The following KAZN variants were observed in gnomAD, a reference collection of about 807,000 sequenced individuals.
The protein encoded by KAZN is kazrin.
In KAZN, 40 loss-of-function variants were observed where a neutral mutation model predicts 87.4. The observed-to-expected ratio is 0.46, with a 90% confidence interval of 0.36 to 0.60. KAZN has a LOEUF of 0.60. KAZN is among the 20% of genes least tolerant of loss of function. KAZN has a pLI of 0.00. For missense variants in KAZN, 898 were observed against 1,073.9 expected, an observed-to-expected ratio of 0.84 and a Z score of 2.29; for synonymous variants, 466 against 458.3, an observed-to-expected ratio of 1.02 and a Z score of -0.22.
intron 2 of KAZN, among the ~76,000 whole-genome samples, chr1:14,260,117 T>C (rs897275327): frequency 2.0e-5 from 3 of 152,200 alleles, no homozygotes; most frequent in Admixed American, 2.0e-4. Flanking sequence ...CCCCTTTCAT[T>C]GTTTCCCCTA....
At chr1:14,621,986 G>T (rs1053469463) in intron 1 of KAZN, among the ~76,000 whole-genome samples, 7 of 152,202 alleles carry the variant, frequency 4.6e-5, no homozygotes, top group African/African-American at 1.7e-4. Context: ...AGGGCATAAA[G>T]TATAAGAGCC....
At chr1:14,345,641 A>T (rs1433013987) in intron 2 of KAZN, among the ~76,000 whole-genome samples, 1 of 152,208 alleles carries the variant, frequency 6.6e-6, no homozygotes, top group Non-Finnish European at 1.5e-5. Context: ...TCTGTGGCTG[A>T]TGATGACTGT....
intron 1 of KAZN, among the ~76,000 whole-genome samples, chr1:14,030,927 G>T (rs1008928510): frequency 2.6e-5 from 4 of 152,110 alleles, no homozygotes; most frequent in Admixed American, 2.6e-4. Flanking sequence ...CCCAGCAACT[G>T]CTGCACCATA....
At chr1:14,301,669 C>T (rs1654562987) in intron 2 of KAZN, among the ~76,000 whole-genome samples, 1 of 152,236 alleles carries the variant, frequency 6.6e-6, no homozygotes, top group Non-Finnish European at 1.5e-5. Context: ...ATGCATTAAA[C>T]ACAGAAAACT....
At chr1:14,341,304 A>C (rs918407164) in intron 2 of KAZN, among the ~76,000 whole-genome samples, 1 of 152,206 alleles carries the variant, frequency 6.6e-6, no homozygotes, top group African/African-American at 2.4e-5. Context: ...AGTGTGATTT[A>C]TCAGATGTGA....
intron 1 of KAZN, among the ~76,000 whole-genome samples, chr1:14,664,399 C>T (rs1194581569): frequency 6.6e-6 from 1 of 152,180 alleles, no homozygotes; most frequent in Non-Finnish European, 1.5e-5. Context: ...TGCCACTGCA[C>T]TCCATCCTGG....
At chr1:14,124,956 T>A (rs987826585) in intron 1 of KAZN, among the ~76,000 whole-genome samples, 1 of 152,140 alleles carries the variant, frequency 6.6e-6, no homozygotes, top group East Asian at 1.9e-4. Flanking sequence ...GGGCTTCCCA[T>A]TGAGACGCGG....
intron 1 of KAZN, among the ~76,000 whole-genome samples, chr1:14,918,707 A>AATATATATATATAT (rs201058383): frequency 3.7e-4 from 9 of 24,634 alleles, no homozygotes; most frequent in East Asian, 1.7e-3. Context: ...AAAAAAAAAA[A>AATATATATATATAT]ATATATATAT....
intron 1 of KAZN, among the ~76,000 whole-genome samples, chr1:14,610,250 C>T (rs1265671436): frequency 3.3e-5 from 5 of 152,094 alleles, no homozygotes; most frequent in Non-Finnish European, 7.4e-5. Context: ...TTCTGTCACC[C>T]AGGTTGGAGT....
intron 2 of KAZN, among the ~76,000 whole-genome samples, chr1:14,410,196 C>T (rs71629882): frequency 2.6e-5 from 4 of 152,180 alleles, no homozygotes; most frequent in African/African-American, 9.7e-5. Flanking sequence ...CTCCGACTAC[C>T]GGGTTCAAAC....
chr1:14,597,497 CA>C (rs1676587133), upstream of KAZN, among the ~76,000 whole-genome samples: 1 of 152,196 alleles, frequency 6.6e-6, no homozygotes, highest in Admixed American at 6.5e-5. Context: ...TAACCCTATG[CA>C]GAGCCTCAGT....
chr1:15,067,655 T>C (rs908189308), intron 8 of KAZN: 39 of 985,282 alleles, frequency 4.0e-5, no homozygotes, highest in Non-Finnish European at 4.6e-5. Flanking sequence ...GGACATTGTG[T>C]CCAAAGTCTC....
At chr1:14,755,072 T>C (rs1572400413) in intron 1 of KAZN, among the ~76,000 whole-genome samples, 2 of 133,014 alleles carry the variant, frequency 1.5e-5, no homozygotes, top group African/African-American at 6.1e-5. Context: ...AGAAACCCCA[T>C]CTCTACTAAA....
At position 14,213,738 on chromosome 1, in the gene KAZN, T is replaced by A. The variant is rs566199525; in HGVS notation, c.249+33146T>A. On this transcript the variant is annotated intron_variant, in intron 2 of 16. Transcript: ENST00000636203. ...TTTTAAAAGGAACATTCTGACTATGTTGGGGGGAGACTAGTCTATGTGGGA... is the reference window on the plus strand; with the variant it reads ...TTTTAAAAGGAACATTCTGACTATGATGGGGGGAGACTAGTCTATGTGGGA... Among the ~76,000 whole-genome samples, 4 of 152,190 alleles carry A rather than the reference T, an allele frequency of 2.6e-5. No homozygotes were observed. The East Asian group carries it at 7.7e-4, about 29-fold the overall frequency.
chr1:14,378,269 G>A (rs1239799375), intron 2 of KAZN, among the ~76,000 whole-genome samples: 1 of 152,092 alleles, frequency 6.6e-6, no homozygotes, highest in Non-Finnish European at 1.5e-5. Flanking sequence ...TACTATCAAA[G>A]TTAATTTGAA....
chr1:14,532,830 A>G (rs1025112988), intron 2 of KAZN, among the ~76,000 whole-genome samples: 11 of 151,824 alleles, frequency 7.2e-5, no homozygotes, highest in African/African-American at 1.9e-4. Flanking sequence ...ATAGTATTCC[A>G]TGGTGTATAT....
At chr1:15,003,987 C>T (rs75257122) in intron 2 of KAZN, among the ~76,000 whole-genome samples, 1,924 of 152,242 alleles carry the variant, frequency 0.013, 51 homozygotes, top group African/African-American at 0.044. Flanking sequence ...TCCTTTGCAC[C>T]TTCCTTCTCC....
intron 1 of KAZN, among the ~76,000 whole-genome samples, chr1:14,010,627 G>C (rs547505919): frequency 6.6e-6 from 1 of 152,282 alleles, no homozygotes; most frequent in East Asian, 1.9e-4. Flanking sequence ...TTATGAGCAG[G>C]GCTGAGACTC....
chr1:14,367,835 AT>A (rs1009790902), intron 2 of KAZN, among the ~76,000 whole-genome samples: 1 of 152,028 alleles, frequency 6.6e-6, no homozygotes, highest in African/African-American at 2.4e-5. Context: ...CTGTGCTTCC[AT>A]TTTCAATGTA....
Sources: gnomAD v4.1 joint callset for allele counts (sites outside exome capture counted in the v4.1 genomes callset) on GRCh38, gnomAD v4.1.1 for gene constraint, MANE v1.5 for transcripts, NCBI Gene and HGNC (gene_info 2026-07-23, HGNC 2026-07-21) for gene names.